The following PSD3 variants were observed in gnomAD, a reference collection of about 807,000 sequenced individuals.
PSD3 encodes PH and SEC7 domain-containing protein 3.
A neutral mutation model predicts 105.5 loss-of-function variants in PSD3; 49 were observed. That is an observed-to-expected ratio of 0.46 (90% CI 0.37 to 0.59). The LOEUF is 0.59. PSD3 is among the 20% of genes least tolerant of loss of function. The probability of loss-of-function intolerance (pLI) is 0.00; values close to 1 mark genes in which losing one functional copy is unlikely to be tolerated. For synonymous variants in PSD3, 557 were observed against 457.8 expected (o/e 1.22, Z -2.77); for missense variants, 1,561 against 1,263.8 (o/e 1.24, Z -3.57).
At chr8:18,711,629 C>T (rs1219054295) in intron 9 of PSD3, among the ~76,000 whole-genome samples, 1 of 152,154 alleles carries the variant, frequency 6.6e-6, no homozygotes, top group African/African-American at 2.4e-5. Flanking sequence ...ATTCATAAAG[C>T]AAGTTCTTAA....
At chr8:18,941,409 T>G (rs1822528824) in intron 1 of PSD3, among the ~76,000 whole-genome samples, 1 of 147,556 alleles carries the variant, frequency 6.8e-6, no homozygotes, top group Non-Finnish European at 1.5e-5. Flanking sequence ...TGAACCAGCT[T>G]CACAGACACT....
intron 1 of PSD3, among the ~76,000 whole-genome samples, chr8:19,048,207 G>C (rs1390040443): frequency 1.3e-5 from 2 of 152,154 alleles, no homozygotes; most frequent in African/African-American, 4.8e-5. Context: ...GAGCCTGGTA[G>C]GACAATGGAA....
intron 9 of PSD3, among the ~76,000 whole-genome samples, chr8:18,682,006 A>G (rs1464126172): frequency 2.7e-5 from 3 of 112,120 alleles, no homozygotes; most frequent in African/African-American, 1.9e-4. Context: ...CAATATTCAA[A>G]AAAAAAAAAA....
intron 11 of PSD3, among the ~76,000 whole-genome samples, chr8:18,627,691 G>A (rs752763997): frequency 5.9e-5 from 9 of 151,790 alleles, no homozygotes; most frequent in African/African-American, 9.7e-5. Context: ...TTACTTACCC[G>A]CACACCAGGA....
In PSD3 at chr8:18,643,592, T is replaced by A. The variant is rs577116230; in HGVS notation, c.2217-10786A>T. Reference sequence around the variant, plus strand: ...ATGCTCCCATTCCAAAAGGGAGAAATAGGCAAGAAAAAAGAATGAACAAAA... The same window carrying A: ...ATGCTCCCATTCCAAAAGGGAGAAAAAGGCAAGAAAAAAGAATGAACAAAA... On this transcript the variant is annotated intron_variant, in intron 10 of 15. Coordinates refer to ENST00000327040, the MANE Select transcript of PSD3 (RefSeq NM_015310.4). 4.1e-3 allele frequency among the ~76,000 whole-genome samples: 627 copies of A among 152,086 alleles called. 3 individuals are homozygous for A. Among genetic ancestry groups the A allele is most frequent in the African/African-American group, 0.015 (611 of 41,458 alleles).
intron 12 of PSD3, among the ~76,000 whole-genome samples, chr8:18,575,745 G>C (rs1466773235): frequency 6.6e-6 from 1 of 152,108 alleles, no homozygotes; most frequent in Non-Finnish European, 1.5e-5. Flanking sequence ...TTGCTCTGAA[G>C]ATATTACATG....
At chr8:18,808,701 A>T in intron 4 of PSD3, 4 of 1,611,254 alleles carry the variant, frequency 2.5e-6, no homozygotes, top group Non-Finnish European at 3.4e-6. Flanking sequence ...CAAGAACCGG[A>T]ATTGCTCCTT....
At chr8:18,620,528 G>A (rs908614654) in intron 11 of PSD3, among the ~76,000 whole-genome samples, 2 of 151,666 alleles carry the variant, frequency 1.3e-5, no homozygotes, top group Non-Finnish European at 2.9e-5. Context: ...TGGGCAACAT[G>A]GTGCAACCCT....
chr8:18,817,717 C>T (rs1287526346), intron 4 of PSD3, among the ~76,000 whole-genome samples: 3 of 152,134 alleles, frequency 2.0e-5, no homozygotes, highest in African/African-American at 2.4e-5. Flanking sequence ...TTCCTTATTA[C>T]GGAATCTAGA....
chr8:18,587,994 T>C (rs1316215086), intron 12 of PSD3, among the ~76,000 whole-genome samples: 4 of 152,166 alleles, frequency 2.6e-5, no homozygotes, highest in Admixed American at 2.6e-4. Context: ...TAACTCCCTG[T>C]AGGATGCACA....
intron 1 of PSD3, among the ~76,000 whole-genome samples, chr8:19,042,424 T>G (rs1828154726): frequency 6.6e-6 from 1 of 152,204 alleles, no homozygotes; most frequent in Admixed American, 6.5e-5. Context: ...ACACTAAATC[T>G]AGGTCCATTA....
At chr8:18,868,739 A>C (rs1459408779) in intron 3 of PSD3, among the ~76,000 whole-genome samples, 2 of 152,252 alleles carry the variant, frequency 1.3e-5, no homozygotes, top group Admixed American at 1.3e-4. Context: ...CACAAACGTG[A>C]ACAATTAATA....
intron 1 of PSD3, chr8:19,084,167 C>G (rs562615352): frequency 1.2e-5 from 5 of 412,072 alleles, no homozygotes; most frequent in Admixed American, 2.6e-5. Flanking sequence ...CCCCTGGCTC[C>G]CTTTCTTCTG....
intron 8 of PSD3, among the ~76,000 whole-genome samples, chr8:18,773,350 G>C (rs902185084): frequency 6.6e-6 from 1 of 152,132 alleles, no homozygotes; most frequent in African/African-American, 2.4e-5. Context: ...CCATTAGCCT[G>C]TCCTTATGCC....
At chr8:19,011,739 T>C (rs961457371) in intron 1 of PSD3, among the ~76,000 whole-genome samples, 2 of 151,366 alleles carry the variant, frequency 1.3e-5, no homozygotes, top group African/African-American at 4.9e-5. Context: ...CACATTAAGA[T>C]TGGCAAATCA....
chr8:18,928,307 A>AAGAC (rs1821508124), intron 2 of PSD3, among the ~76,000 whole-genome samples: 1 of 152,176 alleles, frequency 6.6e-6, no homozygotes, highest in African/African-American at 2.4e-5. Context: ...GCTGCCATGT[A>AAGAC]AGACATCCCT....
At chr8:18,606,575 A>C (rs371535667) in intron 11 of PSD3, among the ~76,000 whole-genome samples, 1 of 152,256 alleles carries the variant, frequency 6.6e-6, no homozygotes. Flanking sequence ...CCTTCTTTTT[A>C]TAAGAAGGGA....
At chr8:18,620,837 T>C (rs1806062170) in intron 11 of PSD3, among the ~76,000 whole-genome samples, 1 of 152,280 alleles carries the variant, frequency 6.6e-6, no homozygotes, top group South Asian at 2.1e-4. Flanking sequence ...ACGGTATTTT[T>C]AATTTCAAAT....
At chr8:18,910,949 A>T (rs901068479) in intron 2 of PSD3, among the ~76,000 whole-genome samples, 6 of 151,966 alleles carry the variant, frequency 3.9e-5, no homozygotes, top group East Asian at 1.9e-4. Context: ...ATAAAAAAAA[A>T]AAAAATAAGT....
Sources: allele counts gnomAD v4.1 joint callset (sites outside exome capture counted in the v4.1 genomes callset), GRCh38; gene constraint gnomAD v4.1.1; transcripts MANE v1.5; gene names NCBI Gene and HGNC (gene_info 2026-07-23, HGNC 2026-07-21).